The following MTUS1 variants were observed in gnomAD, a reference collection of about 807,000 sequenced individuals.
The protein encoded by MTUS1 is microtubule-associated tumor suppressor 1.
In MTUS1, 109 loss-of-function variants were observed where a neutral mutation model predicts 120.8. That is an observed-to-expected ratio of 0.90 (90% CI 0.77 to 1.06). The LOEUF is 1.06. Ranked by LOEUF, MTUS1 falls within the 50% of genes least tolerant of loss-of-function variation. The pLI, the probability that MTUS1 is intolerant of heterozygous loss-of-function variation, is 0.00. For synonymous variants in MTUS1, 737 were observed against 550.5 expected (o/e 1.34, Z -4.74); for missense variants, 2,210 against 1,486.3 (o/e 1.49, Z -8.01).
intron 6 of MTUS1, among the ~76,000 whole-genome samples, chr8:17,693,955 C>A (rs1199179942): frequency 6.6e-6 from 1 of 152,224 alleles, no homozygotes; most frequent in Non-Finnish European, 1.5e-5. Flanking sequence ...GCTGGAGGCA[C>A]AGACCAAATA....
chr8:17,654,510 G>A (rs1807766089), intron 10 of MTUS1, 51 bp downstream of exon 10: 1 of 1,189,030 alleles, frequency 8.4e-7, no homozygotes, highest in Non-Finnish European at 1.3e-6. Context: ...AAAACATCAT[G>A]TGGTTCCTTC....
chr8:17,765,722 GCA>G (rs1377524555), intron 1 of MTUS1, among the ~76,000 whole-genome samples: 61 of 62,698 alleles, frequency 9.7e-4, no homozygotes, highest in African/African-American at 3.0e-3. Context: ...ACACACAAAT[GCA>G]CACACAATTT....
At chr8:17,648,592 C>G (rs1263780202) in intron 13 of MTUS1, among the ~76,000 whole-genome samples, 1 of 152,214 alleles carries the variant, frequency 6.6e-6, no homozygotes, top group East Asian at 1.9e-4. Flanking sequence ...CCATGAGTTC[C>G]TTTCCTTCCT....
intron 3 of MTUS1, among the ~76,000 whole-genome samples, chr8:17,731,139 G>T (rs1483058748): frequency 6.6e-6 from 1 of 152,172 alleles, no homozygotes; most frequent in Admixed American, 6.6e-5. Context: ...GATAGGATAG[G>T]ATAAGGGAGG....
intron 13 of MTUS1, among the ~76,000 whole-genome samples, chr8:17,649,341 A>T (rs1806494172): frequency 6.6e-6 from 1 of 152,220 alleles, no homozygotes; most frequent in Non-Finnish European, 1.5e-5. Context: ...TAGAGGAATG[A>T]GCCACTGCGC....
chr8:17,730,048 C>T (rs533926342), intron 3 of MTUS1, among the ~76,000 whole-genome samples: 1 of 148,528 alleles, frequency 6.7e-6, no homozygotes, highest in African/African-American at 2.5e-5. Context: ...CACGGAGAAA[C>T]TGGAACCCTT....
At chr8:17,682,546 A>G (rs1814786158) in intron 7 of MTUS1, among the ~76,000 whole-genome samples, 1 of 146,862 alleles carries the variant, frequency 6.8e-6, no homozygotes, top group Admixed American at 6.9e-5. Flanking sequence ...AAAAGTTGCT[A>G]TCATGATCTA....
chr8:17,754,727 C>T lies in MTUS1; in HGVS notation c.1081G>A (p.Glu361Lys), dbSNP rs189274481. 166 of 1,614,222 alleles carry T rather than the reference C, an allele frequency of 1.0e-4. No individual in the cohort carries two copies. Among genetic ancestry groups the T allele is most frequent in the Non-Finnish European group, 1.3e-4 (149 of 1,180,044 alleles). ...PLMVPAFDKS[E>K]AQVLNPEHKV... ...TGCTCTGGGTTCAGCACTTGAGCTT[C>T]GCTCTTATCAAAAGCTGGCACCATT... Residue 361 changes from glutamate to lysine, a missense_variant, in exon 2 of 15, where the codon GAA becomes AAA. Glu to Lys is a moderately conservative substitution (Grantham distance 56). Coordinates refer to ENST00000693296, the MANE Select transcript of MTUS1 (RefSeq NM_001363059.2).
chr8:17,783,527 T>G (rs1402561151), intron 1 of MTUS1, among the ~76,000 whole-genome samples: 1 of 152,174 alleles, frequency 6.6e-6, no homozygotes, highest in Non-Finnish European at 1.5e-5. Context: ...TGTAATTTTT[T>G]TTTTAAATAA....
intron 4 of MTUS1, chr8:17,721,955 C>A: frequency 6.5e-7 from 1 of 1,546,830 alleles, no homozygotes; most frequent in South Asian, 1.3e-5. Context: ...TGTTCACTCT[C>A]ATATCCCTCA....
chr8:17,658,372 T>C (rs1808917623), intron 8 of MTUS1, among the ~76,000 whole-genome samples: 1 of 152,106 alleles, frequency 6.6e-6, no homozygotes, highest in Non-Finnish European at 1.5e-5. Flanking sequence ...TCCCTACAAC[T>C]ACCAAAAATA....
chr8:17,743,452 T>C (rs1294423274), intron 3 of MTUS1, 152 bp downstream of exon 3: 4 of 697,304 alleles, frequency 5.7e-6, no homozygotes, highest in Non-Finnish European at 9.3e-6. Flanking sequence ...AAGGGATATA[T>C]GTTGTCATCT....
chr8:17,679,408 G>C (rs906405103), intron 7 of MTUS1, among the ~76,000 whole-genome samples: 1 of 151,600 alleles, frequency 6.6e-6, no homozygotes, highest in Non-Finnish European at 1.5e-5. Context: ...TTCTGTAATG[G>C]GAATGGGAAC....
At chr8:17,710,544 C>A (rs1821080159) in intron 6 of MTUS1, among the ~76,000 whole-genome samples, 1 of 152,244 alleles carries the variant, frequency 6.6e-6, no homozygotes, top group Non-Finnish European at 1.5e-5. Context: ...TCTACCACAT[C>A]TGCAGTGACT....
At chr8:17,649,224 G>A (rs1016163067) in intron 13 of MTUS1, among the ~76,000 whole-genome samples, 3 of 151,840 alleles carry the variant, frequency 2.0e-5, no homozygotes, top group African/African-American at 7.3e-5. Flanking sequence ...ACCCGGCTAA[G>A]TTTTATATTT....
At chr8:17,711,008 A>G (rs1462895132) in intron 6 of MTUS1, among the ~76,000 whole-genome samples, 1 of 152,200 alleles carries the variant, frequency 6.6e-6, no homozygotes, top group East Asian at 1.9e-4. Context: ...GGTCTTAACA[A>G]TGGGCTTAAT....
chr8:17,685,935 A>G (rs1815697129), intron 6 of MTUS1, among the ~76,000 whole-genome samples: 1 of 152,218 alleles, frequency 6.6e-6, no homozygotes, highest in South Asian at 2.1e-4. Flanking sequence ...TTAATATCGT[A>G]ATATTACAGC....
intron 8 of MTUS1, among the ~76,000 whole-genome samples, chr8:17,665,116 T>C (rs779300461): frequency 6.6e-6 from 1 of 152,208 alleles, no homozygotes. Context: ...CCTACTCACA[T>C]AGTGCCAGGG....
chr8:17,700,746 A>G (rs1818914548), intron 6 of MTUS1, among the ~76,000 whole-genome samples: 1 of 152,150 alleles, frequency 6.6e-6, no homozygotes, highest in South Asian at 2.1e-4. Context: ...TAAGTGTTAG[A>G]ATAATTTTAT....
Sources: gnomAD v4.1 joint callset for allele counts (sites outside exome capture counted in the v4.1 genomes callset) on GRCh38, gnomAD v4.1.1 for gene constraint, MANE v1.5 for transcripts, NCBI Gene and HGNC (gene_info 2026-07-23, HGNC 2026-07-21) for gene names.